DAPK1: variants seen among roughly 807,000 people sequenced by gnomAD.
DAPK1 encodes the protein death associated protein kinase 1.
DAPK1 carries 56 observed loss-of-function variants against 144.9 expected under a neutral mutation model. The ratio of observed to expected loss-of-function variants is 0.39; its 90% CI spans 0.31 to 0.48. DAPK1 has a LOEUF of 0.48. DAPK1 is among the 20% of genes least tolerant of loss of function. The pLI, the probability that DAPK1 is intolerant of heterozygous loss-of-function variation, is 0.95. For missense variants in DAPK1, 1,454 were observed against 1,875.4 expected, an observed-to-expected ratio of 0.78 and a Z score of 4.15; for synonymous variants, 690 against 749.0, an observed-to-expected ratio of 0.92 and a Z score of 1.29.
At chr9:87,507,358 A>C (rs1254888937) in intron 2 of DAPK1, among the ~76,000 whole-genome samples, 2 of 152,216 alleles carry the variant, frequency 1.3e-5, no homozygotes, top group South Asian at 4.1e-4. Context: ...GATTACAGGC[A>C]TGCACCACCA....
intron 2 of DAPK1, among the ~76,000 whole-genome samples, chr9:87,555,029 C>T (rs1826651926): frequency 6.6e-6 from 1 of 152,202 alleles, no homozygotes; most frequent in Non-Finnish European, 1.5e-5. Context: ...CCTGCAGGGA[C>T]CTCTGAAGAG....
intron 21 of DAPK1, among the ~76,000 whole-genome samples, chr9:87,692,780 CTT>C (rs1221172421): frequency 6.6e-6 from 1 of 151,858 alleles, no homozygotes; most frequent in Non-Finnish European, 1.5e-5. Context: ...TTGGGGAAGA[CTT>C]TATTTCTCCT....
At chr9:87,518,111 T>TTG (rs1563970378) in intron 2 of DAPK1, among the ~76,000 whole-genome samples, 3 of 131,796 alleles carry the variant, frequency 2.3e-5, no homozygotes, top group South Asian at 2.5e-4. Flanking sequence ...TGTTGTTTTT[T>TTG]TTTTTTTTTT....
At chr9:87,653,447 A>G (rs1270848299) in intron 17 of DAPK1, among the ~76,000 whole-genome samples, 3 of 152,222 alleles carry the variant, frequency 2.0e-5, no homozygotes, top group Non-Finnish European at 4.4e-5. Context: ...ACAGAAAATT[A>G]TTATAATAAG....
At chr9:87,507,248 T>C (rs1824637291) in intron 2 of DAPK1, among the ~76,000 whole-genome samples, 1 of 152,216 alleles carries the variant, frequency 6.6e-6, no homozygotes, top group African/African-American at 2.4e-5. Context: ...ATTTCGCTCT[T>C]GTTGCCCTGG....
intron 21 of DAPK1, among the ~76,000 whole-genome samples, chr9:87,691,990 T>C (rs550959932): frequency 6.6e-6 from 1 of 152,276 alleles, no homozygotes; most frequent in Admixed American, 6.5e-5. Flanking sequence ...AAATGTCCGT[T>C]AGGTCCACTT....
intron 15 of DAPK1, 100 bp from the exon 16 acceptor site, chr9:87,649,821 G>A: frequency 9.0e-7 from 1 of 1,107,988 alleles, no homozygotes; most frequent in Non-Finnish European, 1.4e-6. Context: ...TGCTGCCTTG[G>A]TTGCGTTTCT....
At chr9:87,648,998 A>C in intron 15 of DAPK1, 119 bp downstream of exon 15, 1 of 866,092 alleles carries the variant, frequency 1.2e-6, no homozygotes, top group Non-Finnish European at 1.9e-6. Context: ...CTTCCCCTAC[A>C]GAGGGCAAGG....
At chr9:87,663,069 C>T (rs1028528164) in intron 18 of DAPK1, among the ~76,000 whole-genome samples, 2 of 151,996 alleles carry the variant, frequency 1.3e-5, no homozygotes, top group African/African-American at 4.8e-5. Flanking sequence ...CCACCAGCGC[C>T]CCCTGCTGCC....
At chr9:87,691,744 G>T (rs1481023862) in intron 21 of DAPK1, among the ~76,000 whole-genome samples, 1 of 151,960 alleles carries the variant, frequency 6.6e-6, no homozygotes, top group African/African-American at 2.4e-5. Flanking sequence ...TGACCCTGTG[G>T]TCATTCAGGA....
At chr9:87,627,507 C>A (rs1224345144) in intron 3 of DAPK1, among the ~76,000 whole-genome samples, 1 of 152,076 alleles carries the variant, frequency 6.6e-6, no homozygotes, top group Non-Finnish European at 1.5e-5. Context: ...CTCCCTCTCC[C>A]CTTGCCCCCG....
Position 87,698,695 on chromosome 9 carries a change from T to G in DAPK1, c.2651T>G (p.Leu884Arg). 6.2e-7 allele frequency: 1 copy of G among 1,603,074 alleles called. No individual in the cohort carries two copies. The change falls in exon 23 of 26, where the codon CTG (leucine) becomes CGG (arginine). Residue 884 changes from leucine (L) to arginine (R), a missense_variant. By Grantham distance (102) the Leu-to-Arg change is moderately radical. Around this residue, in one of 2 missense-constraint regions of DAPK1, gnomAD observed 1,025 missense variants for 1,237.9 expected, o/e 0.83. Transcript: ENST00000408954. ...CTGAAGAACCCACTCCAAGTTGTCC[T>G]GGTGGCCACCCACGCTGACATCATG... Reference protein sequence around the residue: ...GKLKNPLQVVLVATHADIMNV... With the variant: ...GKLKNPLQVVRVATHADIMNV...
intron 2 of DAPK1, among the ~76,000 whole-genome samples, chr9:87,537,488 G>A (rs1825898260): frequency 6.6e-6 from 1 of 152,032 alleles, no homozygotes; most frequent in African/African-American, 2.4e-5. Context: ...TGTGTAGTTT[G>A]GATGAGATGT....
At chr9:87,651,336 A>G (rs569254188) in intron 16 of DAPK1, among the ~76,000 whole-genome samples, 191 bp from the exon 17 acceptor site, 1 of 152,340 alleles carries the variant, frequency 6.6e-6, no homozygotes, top group African/African-American at 2.4e-5. Context: ...AGGAATATGT[A>G]AAGCTCCGCA....
intron 18 of DAPK1, among the ~76,000 whole-genome samples, chr9:87,664,252 C>T (rs1029286365): frequency 1.3e-5 from 2 of 152,110 alleles, no homozygotes; most frequent in African/African-American, 4.8e-5. Context: ...CCTGCCGGCT[C>T]CCCCATCATG....
At chr9:87,688,527 G>A (rs190768399) in intron 21 of DAPK1, among the ~76,000 whole-genome samples, 1 of 152,274 alleles carries the variant, frequency 6.6e-6, no homozygotes, top group East Asian at 1.9e-4. Flanking sequence ...TTTCCACAGT[G>A]GCTGAACTTA....
chr9:87,577,854 C>T (rs36204199), intron 2 of DAPK1, among the ~76,000 whole-genome samples: 2,826 of 152,138 alleles, frequency 0.019, 90 homozygotes, highest in African/African-American at 0.064. Flanking sequence ...TAACCAGGAT[C>T]GAAAAATTCT....
intron 19 of DAPK1, among the ~76,000 whole-genome samples, chr9:87,679,719 G>A (rs934302952): frequency 2.0e-5 from 3 of 152,202 alleles, no homozygotes; most frequent in African/African-American, 7.2e-5. Flanking sequence ...GAATGAAGGA[G>A]TGAGTGAGTA....
chr9:87,517,934 A>C (rs1016769832), intron 2 of DAPK1, among the ~76,000 whole-genome samples: 2 of 152,170 alleles, frequency 1.3e-5, no homozygotes, highest in South Asian at 4.2e-4. Context: ...GGTTGACCGC[A>C]TTTCTACTAC....
Sources: allele counts gnomAD v4.1 joint callset (sites outside exome capture counted in the v4.1 genomes callset), GRCh38; gene constraint gnomAD v4.1.1; regional missense constraint gnomAD v4.1.1; transcripts MANE v1.5; gene names NCBI Gene and HGNC (gene_info 2026-07-23, HGNC 2026-07-21).